The following MCPH1 variants were observed in gnomAD, a reference collection of about 807,000 sequenced individuals.
MCPH1 encodes microcephalin.
MCPH1 carries 104 observed loss-of-function variants against 84.5 expected under a neutral mutation model. The observed-to-expected ratio is 1.23, with a 90% CI of 1.05 to 1.45. The LOEUF (loss-of-function observed/expected upper bound fraction) is 1.45. Ranked by LOEUF, MCPH1 falls within the 40% of genes most tolerant of loss-of-function variation. The probability of loss-of-function intolerance (pLI) is 0.00; values close to 1 mark genes in which losing one functional copy is unlikely to be tolerated. For synonymous variants in MCPH1, 514 were observed against 366.8 expected (o/e 1.40, Z -4.58); for missense variants, 1,498 against 1,005.7 (o/e 1.49, Z -6.62).
intron 3 of MCPH1, among the ~76,000 whole-genome samples, chr8:6,421,807 T>C: frequency 6.6e-6 from 1 of 152,154 alleles, no homozygotes; most frequent in Non-Finnish European, 1.5e-5. Flanking sequence ...TCCCCTTCCC[T>C]TCCATTGTCA....
At chr8:6,512,732 G>T (rs1416896403) in intron 12 of MCPH1, among the ~76,000 whole-genome samples, 2 of 152,134 alleles carry the variant, frequency 1.3e-5, no homozygotes, top group Non-Finnish European at 2.9e-5. Context: ...CTACTCTCAT[G>T]GCATTTTAGA....
At chr8:6,632,780 G>A (rs1797262917) in intron 13 of MCPH1, among the ~76,000 whole-genome samples, 1 of 151,886 alleles carries the variant, frequency 6.6e-6, no homozygotes, top group African/African-American at 2.4e-5. Context: ...TTGCACTCCA[G>A]CCTAGGCAAC....
intron 2 of MCPH1, among the ~76,000 whole-genome samples, chr8:6,411,638 C>G (rs76393628): frequency 0.031 from 4,713 of 152,286 alleles, 261 homozygotes; most frequent in African/African-American, 0.11. Flanking sequence ...CAAACTGCAA[C>G]AGTTACAGCC....
chr8:6,441,983 A>T, intron 6 of MCPH1, 84 bp from the exon 7 acceptor site: 1 of 907,824 alleles, frequency 1.1e-6, no homozygotes, highest in Non-Finnish European at 1.8e-6. Context: ...ATCACCTATG[A>T]TTAATAGGAG....
intron 12 of MCPH1, chr8:6,521,507 A>T (rs1817330675): frequency 2.2e-6 from 2 of 895,442 alleles, no homozygotes; most frequent in Admixed American, 5.8e-5. Flanking sequence ...CTGTTAAGAT[A>T]TTGTAGTGGT....
chr8:6,435,653 G>A (rs75268995), intron 4 of MCPH1, among the ~76,000 whole-genome samples: 1,576 of 152,248 alleles, frequency 0.01, 20 homozygotes, highest in Middle Eastern at 0.024. Flanking sequence ...CTCAAGTGAC[G>A]TAACTTGCAA....
At chr8:6,587,069 G>A (rs1312574087) in intron 12 of MCPH1, among the ~76,000 whole-genome samples, 1 of 152,050 alleles carries the variant, frequency 6.6e-6, no homozygotes, top group Non-Finnish European at 1.5e-5. Flanking sequence ...TCTCGGTGTT[G>A]GAAATTGCCA....
At position 6,621,656 on chromosome 8, in the gene MCPH1, C is replaced by G; in HGVS notation, c.2417C>G (p.Ala806Gly). 6.2e-7 allele frequency: 1 copy of G among 1,614,210 alleles called. No homozygotes were observed. Among genetic ancestry groups the G allele is most frequent in the South Asian group, 1.1e-5 (1 of 91,082 alleles). The stretch of plus-strand genomic sequence containing the variant: ...GGGCCCTACAGCGGAAAGAAGAAAG[C>G]CACAGTCAAGTATCTGTCTGAGAAA... ...VIGPYSGKKKATVKYLSEKWV... is the reference protein window; with the variant it reads ...VIGPYSGKKKGTVKYLSEKWV... The change falls in exon 13 of 14, where the codon GCC becomes GGC. Residue 806 changes from alanine (A) to glycine (G), a missense_variant. Coordinates refer to ENST00000344683, the MANE Select transcript of MCPH1 (RefSeq NM_024596.5).
intron 12 of MCPH1, among the ~76,000 whole-genome samples, chr8:6,585,148 C>T (rs2442583): frequency 0.98 from 149,946 of 152,370 alleles, 73,811 homozygotes; most frequent in Middle Eastern, 1. Context: ...CTCTGTTTTC[C>T]GGACTTTTCC....
Position 6,477,584 on chromosome 8 carries a change from A to G in MCPH1, c.1936-10A>G, listed in dbSNP as rs587783736. ...ACTGTTTTTTGTTCCTTCTTGTTTG[A>G]AATCTCTAGCCAACAAGAACATTAG... On this transcript the variant is annotated splice_polypyrimidine_tract_variant and intron_variant, in intron 9 of 13. Coordinates refer to ENST00000344683, the MANE Select transcript of MCPH1 (RefSeq NM_024596.5). 4.3e-6 allele frequency: 7 copies of G among 1,611,478 alleles called. No individual in the cohort carries two copies. Among genetic ancestry groups the G allele is most frequent in the Non-Finnish European group, 5.1e-6 (6 of 1,178,410 alleles).
chr8:6,454,259 C>T (rs1266925030), intron 8 of MCPH1, among the ~76,000 whole-genome samples: 1 of 152,140 alleles, frequency 6.6e-6, no homozygotes, highest in Non-Finnish European at 1.5e-5. Flanking sequence ...TTTGCATCTC[C>T]AGTGGGTAGA....
intron 12 of MCPH1, among the ~76,000 whole-genome samples, chr8:6,575,054 G>C (rs1229738920): frequency 6.6e-6 from 1 of 152,178 alleles, no homozygotes; most frequent in Non-Finnish European, 1.5e-5. Flanking sequence ...GCTCGGAAGG[G>C]GAGAGCTAGC....
chr8:6,589,865 A>G (rs1355136455), intron 12 of MCPH1, among the ~76,000 whole-genome samples: 3 of 152,238 alleles, frequency 2.0e-5, no homozygotes, highest in Admixed American at 6.5e-5. Flanking sequence ...ACAGCAGAAT[A>G]TATCAGATAA....
At chr8:6,492,415 C>T (rs1400431194) in intron 11 of MCPH1, among the ~76,000 whole-genome samples, 2 of 151,636 alleles carry the variant, frequency 1.3e-5, no homozygotes, top group East Asian at 1.9e-4. Context: ...TTCTCACATT[C>T]TGTAGGTTGC....
At chr8:6,622,128 G>T (rs1248112648) in intron 13 of MCPH1, 2 of 288,040 alleles carry the variant, frequency 6.9e-6, no homozygotes, top group Non-Finnish European at 1.4e-5. Flanking sequence ...TACATCTCAT[G>T]ATCACTCCGT....
chr8:6,491,263 G>C (rs1240198746), intron 11 of MCPH1, among the ~76,000 whole-genome samples: 2 of 151,394 alleles, frequency 1.3e-5, no homozygotes, highest in Admixed American at 6.6e-5. Flanking sequence ...AGAAGTCAGA[G>C]TGCTTTGCAA....
At chr8:6,407,361 C>G (rs1178566976) in intron 1 of MCPH1, among the ~76,000 whole-genome samples, 3 of 152,046 alleles carry the variant, frequency 2.0e-5, no homozygotes, top group Admixed American at 6.5e-5. Context: ...TATCATTTTA[C>G]AGGCAGAAAC....
At chr8:6,619,571 G>A (rs974543095) in intron 12 of MCPH1, among the ~76,000 whole-genome samples, 11 of 151,904 alleles carry the variant, frequency 7.2e-5, no homozygotes, top group Non-Finnish European at 1.5e-4. Flanking sequence ...GATTACAGGC[G>A]TGAGCCACTG....
intron 9 of MCPH1, chr8:6,477,199 A>C: frequency 5.1e-6 from 1 of 194,326 alleles, no homozygotes; most frequent in Non-Finnish European, 1.1e-5. Flanking sequence ...GTCTGAAATG[A>C]GAATGAGGCT....
Sources: allele counts gnomAD v4.1 joint callset (sites outside exome capture counted in the v4.1 genomes callset), GRCh38; gene constraint gnomAD v4.1.1; transcripts MANE v1.5; gene names NCBI Gene and HGNC (gene_info 2026-07-23, HGNC 2026-07-21).